USP10: variants seen among roughly 807,000 people sequenced by gnomAD.
The protein encoded by USP10 is ubiquitin carboxyl-terminal hydrolase 10.
In USP10, 22 loss-of-function variants were observed where a neutral mutation model predicts 84.5. The ratio of observed to expected loss-of-function variants is 0.26; its 90% confidence interval spans 0.19 to 0.37. The LOEUF is 0.37. USP10 is among the 10% of genes least tolerant of loss of function. The probability of loss-of-function intolerance (pLI) is 1.00; values close to 1 mark genes in which losing one functional copy is unlikely to be tolerated. For missense variants in USP10, 1,019 were observed against 998.9 expected, an observed-to-expected ratio of 1.02 and a Z score of -0.27; for synonymous variants, 454 against 387.6, an observed-to-expected ratio of 1.17 and a Z score of -2.01.
chr16:84,714,629 A>C (rs1361907638), intron 1 of USP10, among the ~76,000 whole-genome samples: 1 of 152,016 alleles, frequency 6.6e-6, no homozygotes, highest in Admixed American at 6.6e-5. Flanking sequence ...GTTTATGCAT[A>C]CTAAAAATGG....
intron 1 of USP10, among the ~76,000 whole-genome samples, chr16:84,721,559 G>C (rs1907816781): frequency 6.6e-6 from 1 of 152,134 alleles, no homozygotes; most frequent in Non-Finnish European, 1.5e-5. Flanking sequence ...ACGAGGTCTT[G>C]CTCTGTCTCC....
At chr16:84,736,978 C>T (rs1026855320) in intron 2 of USP10, among the ~76,000 whole-genome samples, 2 of 152,098 alleles carry the variant, frequency 1.3e-5, no homozygotes, top group African/African-American at 4.8e-5. Flanking sequence ...TTAGTAGAGG[C>T]GGGGTTTCAC....
chr16:84,728,591 A>C (rs2150791007), intron 1 of USP10, among the ~76,000 whole-genome samples: 1 of 152,098 alleles, frequency 6.6e-6, no homozygotes. Flanking sequence ...GGCCTCCCAA[A>C]GTGCTGGGAT....
At chr16:84,741,232 T>C (rs1910585176) in intron 3 of USP10, among the ~76,000 whole-genome samples, 1 of 152,236 alleles carries the variant, frequency 6.6e-6, no homozygotes, top group African/African-American at 2.4e-5. Context: ...GGAGTGATTA[T>C]ATCTAAAATT....
At chr16:84,764,048 T>A (rs778442411) in intron 9 of USP10, 38 bp from the exon 10 acceptor site, 1 of 1,563,372 alleles carries the variant, frequency 6.4e-7, no homozygotes, top group Non-Finnish European at 8.6e-7. Context: ...GCTGTTCTTG[T>A]CGTAAATAGT....
At position 84,745,341 on chromosome 16, in the gene USP10, G is replaced by T. The variant is rs373509774; in HGVS notation, c.860G>T (p.Gly287Val). The change falls in exon 4 of 14, where the codon GGA (glycine) becomes GTA (valine). Residue 287 changes from glycine to valine, a missense_variant. Physicochemically the swap from Gly to Val is moderately radical, Grantham distance 109. This residue lies in a region of USP10 where 787 missense variants were observed against 708.8 expected (regional missense o/e 1.11). Transcript: ENST00000219473. ...ACTGAAAACCTTGGAGTTGCTAATG[G>T]ACAAATACTTGAATCCTCGGGTGAG... ...DTTENLGVAN[G>V]QILESSGEGT... 6.2e-7 allele frequency: 1 copy of T among 1,612,964 alleles called. No individual in the cohort carries two copies. Among genetic ancestry groups the T allele is most frequent in the Non-Finnish European group, 8.5e-7 (1 of 1,179,740 alleles).
At position 84,708,362 on chromosome 16, in the gene USP10, A is replaced by C. The variant is rs188948813; in HGVS notation, c.21+8251A>C. 1.3e-3 allele frequency among the ~76,000 whole-genome samples: 198 copies of C among 152,306 alleles called. 1 individual carries two copies. Among genetic ancestry groups the C allele is most frequent in the African/African-American group, 4.5e-3 (187 of 41,572 alleles). On this transcript the variant is annotated intron_variant, in intron 1 of 13. Coordinates refer to ENST00000219473, the MANE Select transcript of USP10 (RefSeq NM_005153.3). ...CTGCTCCGAAGGCTGAGGCAGGAGA[A>C]TAGCTTGAACCCGTGGGGGCAGAGG...
chr16:84,774,886 C>A (rs1246429128), intron 12 of USP10, among the ~76,000 whole-genome samples: 1 of 152,164 alleles, frequency 6.6e-6, no homozygotes, highest in Non-Finnish European at 1.5e-5. Context: ...TTGTAGAGCA[C>A]CTGTTTTTAA....
At chr16:84,778,004 T>C (rs1915190826) in intron 13 of USP10, among the ~76,000 whole-genome samples, 2 of 152,190 alleles carry the variant, frequency 1.3e-5, no homozygotes, top group South Asian at 4.1e-4. Context: ...GCTGTCTTAA[T>C]GTTTTCATGA....
intron 10 of USP10, among the ~76,000 whole-genome samples, chr16:84,764,489 C>A (rs1402050583): frequency 1.3e-5 from 2 of 152,192 alleles, no homozygotes; most frequent in African/African-American, 4.8e-5. Flanking sequence ...GAGCTCCTCC[C>A]TTCTACTCTG....
intron 2 of USP10, among the ~76,000 whole-genome samples, chr16:84,739,428 C>T (rs757071995): frequency 1.3e-5 from 2 of 152,036 alleles, no homozygotes; most frequent in East Asian, 1.9e-4. Flanking sequence ...CCTGCCACCA[C>T]GCCCAGCTGA....
chr16:84,735,114 C>A (rs1174437519), intron 2 of USP10, among the ~76,000 whole-genome samples: 1 of 151,834 alleles, frequency 6.6e-6, no homozygotes, highest in African/African-American at 2.4e-5. Context: ...GCAACTTTGA[C>A]CCCCCGCCCC....
intron 1 of USP10, among the ~76,000 whole-genome samples, chr16:84,732,245 G>A (rs1284787383): frequency 6.6e-6 from 1 of 151,936 alleles, no homozygotes; most frequent in Non-Finnish European, 1.5e-5. Flanking sequence ...TGAATCACTT[G>A]GCTTGTAAAT....
chr16:84,742,146 A>T (rs1450303791), intron 3 of USP10, among the ~76,000 whole-genome samples: 2 of 152,174 alleles, frequency 1.3e-5, no homozygotes, highest in Non-Finnish European at 2.9e-5. Context: ...ATATTTTCAT[A>T]CAGGCATACA....
intron 11 of USP10, among the ~76,000 whole-genome samples, chr16:84,769,077 G>C (rs1054750467): frequency 6.6e-6 from 1 of 152,186 alleles, no homozygotes; most frequent in Non-Finnish European, 1.5e-5. Flanking sequence ...GGTTGTGGCA[G>C]TGAATTCATA....
In USP10 at chr16:84,705,620, C is replaced by T. The variant is rs376861194; in HGVS notation, c.21+5509C>T. 6.3e-4 allele frequency among the ~76,000 whole-genome samples: 96 copies of T among 151,318 alleles called. 2 individuals are homozygous for T. The highest frequency in any genetic ancestry group is 2.3e-3 in the African/African-American group (93 of 41,178). ...TTTCTTTCTTCCTGATCTGATGGTG[C>T]TAGATTTTTGTTTTCCCATTTGTCT... is the stretch of plus-strand genomic sequence containing the variant. On this transcript the variant is annotated intron_variant, in intron 1 of 13. Transcript: ENST00000219473.
chr16:84,755,726 A>T (rs1331009476), intron 4 of USP10, among the ~76,000 whole-genome samples: 1 of 151,438 alleles, frequency 6.6e-6, no homozygotes, highest in Non-Finnish European at 1.5e-5. Flanking sequence ...TGAGACCCAG[A>T]GGCGGAGGTT....
intron 1 of USP10, among the ~76,000 whole-genome samples, chr16:84,730,615 G>C (rs188870137): frequency 6.6e-6 from 1 of 152,134 alleles, no homozygotes; most frequent in Non-Finnish European, 1.5e-5. Flanking sequence ...TGGTGTCTGC[G>C]TTTGAAACAG....
chr16:84,758,856 C>G (rs772128884), intron 5 of USP10, 49 bp downstream of exon 5: 2 of 1,375,818 alleles, frequency 1.5e-6, no homozygotes, highest in Non-Finnish European at 2.1e-6. Context: ...GCAGCTGTCC[C>G]TCCTTTGGGT....
Sources: gnomAD v4.1 joint callset for allele counts (sites outside exome capture counted in the v4.1 genomes callset) on GRCh38, gnomAD v4.1.1 for gene constraint, gnomAD v4.1.1 regional missense constraint, MANE v1.5 for transcripts, NCBI Gene and HGNC (gene_info 2026-07-23, HGNC 2026-07-21) for gene names.